Variants in IL4I1 observed in about 807,000 individuals in gnomAD.
IL4I1 encodes the protein interleukin 4 induced 1, also known as L-amino-acid oxidase.
IL4I1 carries 24 observed loss-of-function variants against 29.7 expected under a neutral mutation model. The ratio of observed to expected loss-of-function variants is 0.81; its 90% CI spans 0.59 to 1.14. The LOEUF (loss-of-function observed/expected upper bound fraction) is 1.14. Ranked by LOEUF, IL4I1 falls within the 50% of genes most tolerant of loss-of-function variation. IL4I1 has a pLI of 0.00. For synonymous variants in IL4I1, 371 were observed against 352.5 expected (o/e 1.05, Z -0.59); for missense variants, 686 against 785.6 (o/e 0.87, Z 1.52).
At chr19:49,926,908 T>C (rs2075907418) in intron 2 of IL4I1, among the ~76,000 whole-genome samples, 1 of 150,214 alleles carries the variant, frequency 6.7e-6, no homozygotes, top group African/African-American at 2.5e-5. Context: ...CAGGCTGCAG[T>C]GTGGTGGCAC....
In IL4I1 at chr19:49,909,531, C is replaced by T. The variant is rs200654242; in HGVS notation, c.-227-5210G>A. 8.8e-4 allele frequency: 1,428 copies of T among 1,614,118 alleles called. 21 individuals carry two copies. In the South Asian group the frequency reaches 0.014, roughly 15 times the overall value. On this transcript the variant is annotated intron_variant, in intron 2 of 9. Coordinates refer to the IL4I1 transcript ENST00000341114. ...TTGCTCAAGTTGAGCTTTGAAGCACCGATCCCCAAAGAAAATCCAGTTCCC... is the reference window on the plus strand; with the variant it reads ...TTGCTCAAGTTGAGCTTTGAAGCACTGATCCCCAAAGAAAATCCAGTTCCC...
intron 7 of IL4I1, 152 bp from the exon 8 acceptor site, chr19:49,890,752 C>T (rs2075124582): frequency 2.5e-6 from 2 of 806,300 alleles, no homozygotes; most frequent in Non-Finnish European, 3.8e-6. Context: ...TCCCTGACAT[C>T]CCAAAGGCCG....
At chr19:49,909,300 C>T (rs763261239) in intron 2 of IL4I1, 46 of 1,614,054 alleles carry the variant, frequency 2.8e-5, no homozygotes, top group East Asian at 6.7e-5. Context: ...ATGTTGAAAC[C>T]GGAGGGTTGG....
intron 2 of IL4I1, among the ~76,000 whole-genome samples, chr19:49,916,071 C>T (rs1269852687): frequency 6.6e-6 from 1 of 152,244 alleles, no homozygotes; most frequent in Non-Finnish European, 1.5e-5. Context: ...GAGCACTGCA[C>T]TGCAGCACAC....
chr19:49,925,449 CAA>C (rs56199048), intron 2 of IL4I1, among the ~76,000 whole-genome samples: 166 of 132,782 alleles, frequency 1.3e-3, no homozygotes, highest in Middle Eastern at 3.9e-3. Context: ...TAAAAAAAGC[CAA>C]AAAAAAAAAA....
At chr19:49,894,204 C>T in intron 5 of IL4I1, 64 bp downstream of exon 5, 1 of 1,502,882 alleles carries the variant, frequency 6.7e-7, no homozygotes, top group Admixed American at 1.9e-5. Flanking sequence ...AAAAGCCGGG[C>T]CGGGGCGAGC....
chr19:49,910,788 A>C (rs2075444391), intron 2 of IL4I1, among the ~76,000 whole-genome samples: 1 of 152,204 alleles, frequency 6.6e-6, no homozygotes, highest in African/African-American at 2.4e-5. Flanking sequence ...CATTCAGTTC[A>C]AACTGACTTG....
In IL4I1 at chr19:49,891,073, G is replaced by GGGA; in HGVS notation, c.670_671insTCC (p.Arg223_Pro224insLeu). On this transcript the variant is annotated inframe_insertion, in exon 7 of 8. Coordinates refer to ENST00000391826, the MANE Select transcript of IL4I1 (RefSeq NM_152899.2). ...CACGTCTCCCAGAAGCTGCACGGCC[G>GGGA]GCCGGCTCAGGTTCCCCTCCCCGAG... The GGGA allele has an allele frequency of 6.2e-7, 1 of 1,613,508 alleles. No homozygotes were observed. The highest frequency in any genetic ancestry group is 1.1e-5 in the South Asian group (1 of 91,078).
chr19:49,923,459 A>G (rs974088083), intron 2 of IL4I1, among the ~76,000 whole-genome samples: 1 of 152,178 alleles, frequency 6.6e-6, no homozygotes, highest in African/African-American at 2.4e-5. Context: ...TTGCCCTCGA[A>G]GCGTTCGGGG....
At chr19:49,914,987 A>AC (rs1484922067) in intron 2 of IL4I1, among the ~76,000 whole-genome samples, 1 of 151,732 alleles carries the variant, frequency 6.6e-6, no homozygotes, top group African/African-American at 2.4e-5. Flanking sequence ...TGATCTGCCC[A>AC]CCTTGGCCTC....
upstream of IL4I1, among the ~76,000 whole-genome samples, chr19:49,898,020 G>A (rs2075233791): frequency 6.6e-6 from 1 of 152,178 alleles, no homozygotes; most frequent in Non-Finnish European, 1.5e-5. Context: ...AAAGAGCTTG[G>A]GTCAGCAAAA....
chr19:49,927,606 A>G (rs1336053359), intron 2 of IL4I1: 2 of 152,252 alleles, frequency 1.3e-5, no homozygotes, highest in African/African-American at 4.8e-5. Flanking sequence ...CAGAGTGGAC[A>G]GTAAGTGCTC....
intron 2 of IL4I1, among the ~76,000 whole-genome samples, chr19:49,926,855 CT>C (rs57084948): frequency 0.59 from 73,937 of 125,352 alleles, 20,716 homozygotes; most frequent in East Asian, 0.9. Context: ...GAAGTAGGTA[CT>C]TTTTTTTTTT....
chr19:49,894,805 T>C (rs1386384043), intron 4 of IL4I1, among the ~76,000 whole-genome samples: 5 of 151,848 alleles, frequency 3.3e-5, no homozygotes, highest in Non-Finnish European at 7.4e-5. Context: ...ATGGTGGAGC[T>C]GCAGGCCTGG....
intron 2 of IL4I1, chr19:49,907,972 G>T: frequency 1.7e-6 from 1 of 605,026 alleles, no homozygotes; most frequent in South Asian, 2.1e-5. Flanking sequence ...AGGATGAGGT[G>T]GGTGGTCGCA....
intron 5 of IL4I1, among the ~76,000 whole-genome samples, chr19:49,893,985 C>CAAAAAAAAA (rs996597872): frequency 5.1e-5 from 1 of 19,670 alleles, no homozygotes; most frequent in Non-Finnish European, 1.0e-4. Context: ...GACTCCATCT[C>CAAAAAAAAA]AAAAAAAAAA....
At chr19:49,926,589 G>A (rs1171332075) in intron 2 of IL4I1, among the ~76,000 whole-genome samples, 1 of 152,294 alleles carries the variant, frequency 6.6e-6, no homozygotes, top group Middle Eastern at 3.4e-3. Context: ...GAAGATCTTC[G>A]TAGGAAAAGA....
chr19:49,890,930 C>CCCCCA, intron 7 of IL4I1, 41 bp downstream of exon 7: 1 of 299,422 alleles, frequency 3.3e-6, no homozygotes, highest in Non-Finnish European at 5.8e-6. Flanking sequence ...TCCCTGATTG[C>CCCCCA]CCCCCGCCCC....
chr19:49,900,700 G>A (rs940025329), upstream of IL4I1, among the ~76,000 whole-genome samples: 7 of 152,186 alleles, frequency 4.6e-5, no homozygotes, highest in African/African-American at 1.7e-4. Context: ...GGAGACAGGA[G>A]GGAGGGGAGG....
Sources: allele counts gnomAD v4.1 joint callset (sites outside exome capture counted in the v4.1 genomes callset), GRCh38; gene constraint gnomAD v4.1.1; transcripts MANE v1.5; gene names NCBI Gene and HGNC (gene_info 2026-07-23, HGNC 2026-07-21).